Variants in ANO3 observed in about 807,000 individuals in gnomAD.
ANO3 encodes anoctamin 3.
In ANO3, 99 loss-of-function variants were observed where a neutral mutation model predicts 144.8. That is an observed-to-expected ratio of 0.68 (90% CI 0.58 to 0.81). ANO3 has a LOEUF of 0.81. Ranked by LOEUF, ANO3 falls within the 30% of genes least tolerant of loss-of-function variation. The pLI is 0.00. For missense variants in ANO3, 905 were observed against 1,202.2 expected (o/e 0.75, Z 3.66); for synonymous variants, 414 against 392.6 (o/e 1.05, Z -0.64).
At chr11:26,234,072 T>G (rs528750813) in intron 1 of ANO3, among the ~76,000 whole-genome samples, 1 of 152,304 alleles carries the variant, frequency 6.6e-6, no homozygotes, top group Admixed American at 6.5e-5. Context: ...GTAACAAGCC[T>G]GCACGTTCTG....
intron 1 of ANO3, among the ~76,000 whole-genome samples, chr11:26,395,867 C>T (rs909749417): frequency 6.6e-6 from 1 of 152,112 alleles, no homozygotes; most frequent in African/African-American, 2.4e-5. Context: ...CAGTACCATT[C>T]AGGACATAGG....
intron 14 of ANO3, among the ~76,000 whole-genome samples, chr11:26,595,643 C>A (rs1851602623): frequency 6.6e-6 from 1 of 151,892 alleles, no homozygotes; most frequent in Non-Finnish European, 1.5e-5. Context: ...CCGGGAGGAA[C>A]CATCTGTCGT....
At chr11:26,553,228 T>C in intron 12 of ANO3, 21 bp from the exon 13 acceptor site, 1 of 1,314,242 alleles carries the variant, frequency 7.6e-7, no homozygotes, top group Non-Finnish European at 1.0e-6. Context: ...TGTTTTGTTT[T>C]TGTTTTTGTT....
At chr11:26,342,299 C>T (rs1223400687) in intron 1 of ANO3, among the ~76,000 whole-genome samples, 1 of 152,124 alleles carries the variant, frequency 6.6e-6, no homozygotes, top group Non-Finnish European at 1.5e-5. Context: ...CTCCAAAATT[C>T]GTGTTGAAAC....
At chr11:26,622,174 A>G (rs911880827) in intron 17 of ANO3, among the ~76,000 whole-genome samples, 3 of 152,198 alleles carry the variant, frequency 2.0e-5, no homozygotes, top group African/African-American at 7.2e-5. Context: ...AATACCCCAG[A>G]AAGTCTTGCA....
chr11:26,537,008 T>TGA (rs1565088648), intron 9 of ANO3, among the ~76,000 whole-genome samples: 49 of 134,468 alleles, frequency 3.6e-4, no homozygotes, highest in Admixed American at 5.9e-4. Flanking sequence ...TCCTTTAAAT[T>TGA]TTTTTTTTTT....
At chr11:26,441,595 G>T (rs986519929) in intron 1 of ANO3, among the ~76,000 whole-genome samples, 1 of 152,150 alleles carries the variant, frequency 6.6e-6, no homozygotes, top group Non-Finnish European at 1.5e-5. Flanking sequence ...AAATCATAAG[G>T]TTTATTCAAA....
chr11:26,446,158 G>T (rs1469191674), intron 3 of ANO3, among the ~76,000 whole-genome samples: 1 of 152,120 alleles, frequency 6.6e-6, no homozygotes, highest in Non-Finnish European at 1.5e-5. Flanking sequence ...AAAAGAAGAC[G>T]CCCGGCCTAA....
At position 26,506,352 on chromosome 11, in the gene ANO3, G is replaced by C. The variant is rs902198767; in HGVS notation, c.433-1752G>C. Among the ~76,000 whole-genome samples the C allele has an allele frequency of 2.0e-5, 3 of 152,124 alleles. No homozygotes were observed. The South Asian group carries it at 6.2e-4, about 32-fold the overall frequency. On this transcript the variant is annotated intron_variant, in intron 4 of 26. Transcript: ENST00000256737. ...CATTATTTTCTTTTCTGTGATATCT[G>C]TATGTCACTTAACCTCTTTGGCTTC... is the stretch of plus-strand genomic sequence containing the variant.
chr11:26,572,649 G>T (rs1413063267), intron 14 of ANO3, among the ~76,000 whole-genome samples: 3 of 152,092 alleles, frequency 2.0e-5, no homozygotes, highest in African/African-American at 7.2e-5. Context: ...TCAGTAGTGA[G>T]GCGTCTATTC....
At chr11:26,563,424 T>C (rs1299989756) in intron 14 of ANO3, among the ~76,000 whole-genome samples, 2 of 151,490 alleles carry the variant, frequency 1.3e-5, no homozygotes, top group Admixed American at 6.6e-5. Context: ...TGTGTGTGTG[T>C]GTGTGTGTCT....
rs546545398 is a variant in ANO3, at chr11:26,527,341, A to G, written c.737+1662A>G. 1.3e-4 allele frequency among the ~76,000 whole-genome samples: 20 copies of G among 152,270 alleles called. No individual in the cohort carries two copies. The South Asian group carries it at 2.7e-3, about 20-fold the overall frequency. On this transcript the variant is annotated intron_variant, in intron 7 of 26. Coordinates refer to ENST00000256737, the MANE Select transcript of ANO3 (RefSeq NM_031418.4). ...AAGTTCATAAAATGAAAATTCAGTT[A>G]TCATTTATTCCAAATGATTATTAAA... is the stretch of plus-strand genomic sequence containing the variant.
At chr11:26,403,074 A>G (rs1565004380) in intron 1 of ANO3, among the ~76,000 whole-genome samples, 1 of 151,816 alleles carries the variant, frequency 6.6e-6, no homozygotes, top group Non-Finnish European at 1.5e-5. Flanking sequence ...TTGTTTTTGT[A>G]TACTTACCTA....
chr11:26,208,512 C>CA (rs67196052), intron 1 of ANO3, among the ~76,000 whole-genome samples: 130 of 121,686 alleles, frequency 1.1e-3, no homozygotes, highest in Middle Eastern at 4.5e-3. Flanking sequence ...GACTCCGTCT[C>CA]AAAAAAAAAA....
intron 1 of ANO3, among the ~76,000 whole-genome samples, chr11:26,319,423 C>T (rs12223726): frequency 0.058 from 8,816 of 152,126 alleles, 464 homozygotes; most frequent in African/African-American, 0.14. Context: ...AATAATTGGA[C>T]AGACTTCATG....
At chr11:26,411,713 A>G (rs1857438626) in intron 1 of ANO3, among the ~76,000 whole-genome samples, 2 of 128,962 alleles carry the variant, frequency 1.6e-5, no homozygotes, top group Admixed American at 9.4e-5. Context: ...AGATGAGTGT[A>G]TGCAGAATCC....
At chr11:26,299,817 A>T (rs1265463562) in intron 1 of ANO3, among the ~76,000 whole-genome samples, 1 of 152,148 alleles carries the variant, frequency 6.6e-6, no homozygotes, top group Admixed American at 6.5e-5. Flanking sequence ...GTTTATCTAG[A>T]CTATCAGTCA....
At chr11:26,637,613 A>G (rs762874886) in intron 20 of ANO3, among the ~76,000 whole-genome samples, 17 of 152,180 alleles carry the variant, frequency 1.1e-4, no homozygotes, top group Non-Finnish European at 1.9e-4. Context: ...TATATTTGGG[A>G]GAGTTCAGGA....
At chr11:26,314,201 G>T (rs1022693813) in intron 1 of ANO3, among the ~76,000 whole-genome samples, 1 of 152,004 alleles carries the variant, frequency 6.6e-6, no homozygotes, top group Admixed American at 6.6e-5. Flanking sequence ...GAGAAGAGGG[G>T]TTATAGAGCT....
Sources: gnomAD v4.1 joint callset for allele counts (sites outside exome capture counted in the v4.1 genomes callset) on GRCh38, gnomAD v4.1.1 for gene constraint, MANE v1.5 for transcripts, NCBI Gene and HGNC (gene_info 2026-07-23, HGNC 2026-07-21) for gene names.